Variants in WDR33 observed in about 807,000 individuals in gnomAD.
WDR33 encodes the protein pre-mRNA 3' end processing protein WDR33.
A neutral mutation model predicts 164.9 loss-of-function variants in WDR33; 47 were observed. That is an observed-to-expected ratio of 0.29 (90% CI 0.23 to 0.36). WDR33 has a LOEUF of 0.36. Ranked by LOEUF, WDR33 falls within the 10% of genes least tolerant of loss-of-function variation. WDR33 has a pLI of 1.00. For missense variants in WDR33, 1,137 were observed against 1,754.1 expected (o/e 0.65, Z 6.28); for synonymous variants, 505 against 589.0 (o/e 0.86, Z 2.06).
rs776082351 is a variant in WDR33 at position 127,774,048 on chromosome 2, C to CTTT, written c.-23-3047_-23-3045dup. Among the ~76,000 whole-genome samples, 12 of 110,774 alleles carry CTTT rather than the reference C, an allele frequency of 1.1e-4. 1 individual carries two copies. Among genetic ancestry groups the CTTT allele is most frequent in the African/African-American group, 2.9e-4 (8 of 27,584 alleles). 72.7% of individuals were successfully genotyped at this position (110,774 alleles called of 152,430 possible). A position where few individuals can be genotyped will look rare whatever the true frequency, so the allele number is the denominator to read the frequency against. ...GAGCCACCACGCCCAGCCCAAAAGC[C>CTTT]TTTTTTTTTTTTTTTTTTTTTAAGA... On this transcript the variant is annotated intron_variant, in intron 1 of 21. Transcript: ENST00000322313.
At chr2:127,765,116 T>G (rs895767633) in intron 5 of WDR33, 58 bp downstream of exon 5, 1 of 1,567,316 alleles carries the variant, frequency 6.4e-7, no homozygotes, top group East Asian at 2.2e-5. Flanking sequence ...GAAATGACTA[T>G]ATCTCAAGTT....
intron 1 of WDR33, among the ~76,000 whole-genome samples, chr2:127,788,108 C>T (rs1688666726): frequency 2.1e-5 from 2 of 96,442 alleles, no homozygotes; most frequent in Non-Finnish European, 4.2e-5. Context: ...GGCGGCTGGC[C>T]GGGCTGAGGG....
At chr2:127,766,389 G>A in intron 4 of WDR33, among the ~76,000 whole-genome samples, 1 of 152,112 alleles carries the variant, frequency 6.6e-6, no homozygotes, top group Non-Finnish European at 1.5e-5. Flanking sequence ...TTACCTGTAA[G>A]TCACAGTTTT....
rs1372174154 is a variant in WDR33 at position 127,718,625 on chromosome 2, C to T, written c.2760+640G>A. On this transcript the variant is annotated intron_variant, in intron 16 of 21. Coordinates refer to ENST00000322313, the MANE Select transcript of WDR33 (RefSeq NM_018383.5). This position sits in a 1 kb window ranked among gnomAD's most constrained non-coding sequence, Gnocchi z 4.4. ...AGAATTTCTACAGAAATGCTCCCCC[C>T]TGCAAATACTTTTATATGTGAGCTG... Among the ~76,000 whole-genome samples the T allele has an allele frequency of 6.6e-6, 1 of 152,182 alleles. No homozygotes were observed. Among genetic ancestry groups the T allele is most frequent in the African/African-American group, 2.4e-5 (1 of 41,432 alleles).
intron 7 of WDR33, chr2:127,737,439 A>T: frequency 1.0e-6 from 1 of 985,594 alleles, no homozygotes; most frequent in Non-Finnish European, 1.2e-6. Context: ...AGATATTCAC[A>T]ATTCAGTAAC....
In WDR33 at chr2:127,709,380, G is replaced by A. The variant is rs189411919; in HGVS notation, c.3565+110C>T. On this transcript the variant is annotated intron_variant, in intron 20 of 21. Transcript: ENST00000322313. The surrounding 1 kb of genome is among the most constrained non-coding windows in gnomAD (Gnocchi z 5.0). The stretch of plus-strand genomic sequence containing the variant: ...AGGACAGGAGACAGCCCAGCCCCCC[G>A]GGAGACATGAGCTGGAAAGAGGAGA... The A allele has an allele frequency of 1.4e-4, 150 of 1,044,620 alleles. 1 individual carries two copies. The Admixed American group carries it at 2.0e-3, about 14-fold the overall frequency. The allele number at this position is 1,044,620 out of a possible 1,614,324, so 64.7% of individuals were successfully genotyped here.
At chr2:127,739,348 C>A (rs996000293) in intron 7 of WDR33, among the ~76,000 whole-genome samples, 2 of 152,168 alleles carry the variant, frequency 1.3e-5, no homozygotes, top group African/African-American at 4.8e-5. Context: ...TGATTTCCCC[C>A]CCGTAAGAAG....
intron 1 of WDR33, among the ~76,000 whole-genome samples, chr2:127,807,192 G>C (rs748716541): frequency 6.6e-6 from 1 of 152,098 alleles, no homozygotes; most frequent in South Asian, 2.1e-4. Context: ...ATTTAGTAGG[G>C]ATGGGGTTTC....
At chr2:127,807,164 C>T (rs1409834891) in intron 1 of WDR33, among the ~76,000 whole-genome samples, 7 of 152,100 alleles carry the variant, frequency 4.6e-5, no homozygotes, top group Non-Finnish European at 5.9e-5. Flanking sequence ...GCCACCACGC[C>T]CAGCTAATTT....
At chr2:127,752,459 G>A (rs11885950) in intron 7 of WDR33, among the ~76,000 whole-genome samples, 8,269 of 151,480 alleles carry the variant, frequency 0.055, 678 homozygotes, top group African/African-American at 0.18. Context: ...GCGCGGTGGC[G>A]GGCGCCTGTA....
chr2:127,791,776 G>A (rs1336678598), intron 1 of WDR33, among the ~76,000 whole-genome samples: 1 of 152,150 alleles, frequency 6.6e-6, no homozygotes, highest in African/African-American at 2.4e-5. Context: ...AAGTGAAATT[G>A]TCTTTTTTCT....
At chr2:127,707,335 T>C (rs989106564) in intron 21 of WDR33, among the ~76,000 whole-genome samples, 7 of 152,170 alleles carry the variant, frequency 4.6e-5, no homozygotes, top group African/African-American at 1.7e-4. Context: ...TCTCCCATAA[T>C]GCACTCTCAG....
chr2:127,739,962 G>A (rs967822763), intron 7 of WDR33, among the ~76,000 whole-genome samples: 1 of 152,188 alleles, frequency 6.6e-6, no homozygotes, highest in Admixed American at 6.5e-5. Context: ...TACACTTGAT[G>A]TAATGCCATT....
rs1687964566 is a variant in WDR33 at position 127,770,460 on chromosome 2, C to CAG, written c.204+316_204+317dup. Among the ~76,000 whole-genome samples the CAG allele has an allele frequency of 6.6e-6, 1 of 152,076 alleles. No homozygotes were observed. Among genetic ancestry groups the CAG allele is most frequent in the Admixed American group, 6.5e-5 (1 of 15,268 alleles). On this transcript the variant is annotated intron_variant, in intron 2 of 21. Transcript: ENST00000322313. This position sits in a 1 kb window ranked among gnomAD's most constrained non-coding sequence, Gnocchi z 4.9. The stretch of plus-strand genomic sequence containing the variant: ...ATCCCAGCACTTTGGGAGACTGAGG[C>CAG]AGGTGGATCACCTGAGGTTAGGAGT...
chr2:127,804,068 T>C (rs565904273), intron 1 of WDR33, among the ~76,000 whole-genome samples: 1 of 151,276 alleles, frequency 6.6e-6, no homozygotes, highest in Non-Finnish European at 1.5e-5. Context: ...ACACCCGTAA[T>C]CCCAGCACTT....
At chr2:127,761,327 A>G (rs1270943605) in intron 7 of WDR33, among the ~76,000 whole-genome samples, 1 of 151,862 alleles carries the variant, frequency 6.6e-6, no homozygotes, top group East Asian at 1.9e-4. Flanking sequence ...CAGCCTCCCG[A>G]GTAGCTGGGA....
Position 127,724,291 on chromosome 2 carries a change from G to T in WDR33, c.1196+42C>A, listed in dbSNP as rs1418134140. ...TAAACACATACAGTATTTATTTCCT[G>T]TTGCTCCATATAAAGCTTTGCTATT... On this transcript the variant is annotated intron_variant, in intron 11 of 21. Coordinates refer to ENST00000322313, the MANE Select transcript of WDR33 (RefSeq NM_018383.5). This position sits in a 1 kb window ranked among gnomAD's most constrained non-coding sequence, Gnocchi z 4.8. 1 of 1,460,810 alleles carries T rather than the reference G, an allele frequency of 6.8e-7. No homozygotes were observed. The highest frequency in any genetic ancestry group is 1.2e-5 in the South Asian group (1 of 86,350). The allele number at this position is 1,460,810 out of a possible 1,614,324, so 90.5% of individuals were successfully genotyped here. A position where few individuals can be genotyped will look rare whatever the true frequency, so the allele number is the denominator to read the frequency against.
At chr2:127,733,554 C>T (rs1451736186) in intron 7 of WDR33, among the ~76,000 whole-genome samples, 1 of 152,114 alleles carries the variant, frequency 6.6e-6, no homozygotes, top group Non-Finnish European at 1.5e-5. Context: ...CCATATGGCA[C>T]CTATTAGCCA....
At position 127,719,742 on chromosome 2, in the gene WDR33, T is replaced by C. The variant is rs1686384980; in HGVS notation, c.2283A>G (p.Gly761=). 6.2e-7 allele frequency: 1 copy of C among 1,613,808 alleles called. No individual in the cohort carries two copies. The highest frequency in any genetic ancestry group is 8.5e-7 in the Non-Finnish European group (1 of 1,179,958). Residue 761 remains glycine, a synonymous_variant, in exon 16 of 22, where the codon GGA becomes GGG. Transcript: ENST00000322313. The surrounding 1 kb of genome is among the most constrained non-coding windows in gnomAD (Gnocchi z 6.5). The part of the protein sequence containing the change: ...GPPHPHGIQG[G]PGSQGIQGPV... ...GACCTTGGATCCCTTGAGACCCTGG[T>C]CCGCCTTGGATCCCATGAGGATGAG... is the stretch of plus-strand genomic sequence containing the variant.
Sources: gnomAD v4.1 joint callset for allele counts (sites outside exome capture counted in the v4.1 genomes callset) on GRCh38, gnomAD v4.1.1 for gene constraint, Gnocchi (gnomAD v3.1) non-coding constraint, MANE v1.5 for transcripts, NCBI Gene and HGNC (gene_info 2026-07-23, HGNC 2026-07-21) for gene names.